The following PHGDH variants were observed in gnomAD, a reference collection of about 807,000 sequenced individuals.
PHGDH encodes D-3-phosphoglycerate dehydrogenase.
In PHGDH, 50 loss-of-function variants were observed where a neutral mutation model predicts 52.6. The observed-to-expected ratio is 0.95, with a 90% CI of 0.76 to 1.20. PHGDH has a LOEUF of 1.20. PHGDH is among the 50% of genes most tolerant of loss of function. The pLI is 0.00. For missense variants in PHGDH, 630 were observed against 684.6 expected (o/e 0.92, Z 0.89); for synonymous variants, 271 against 280.5 (o/e 0.97, Z 0.34).
chr1:119,740,349 C>T lies in PHGDH; in HGVS notation c.946-37C>T, dbSNP rs1343377151. 5 of 1,613,282 alleles carry T rather than the reference C, an allele frequency of 3.1e-6. No individual in the cohort carries two copies. In the African/African-American group the frequency reaches 6.7e-5, roughly 22 times the overall value. ...TCTTGATTCAGGATCTGCCATGCCTCTTCCTGACCACAGCCCCGCTCCTCC... is the reference window on the plus strand; with the variant it reads ...TCTTGATTCAGGATCTGCCATGCCTTTTCCTGACCACAGCCCCGCTCCTCC... On this transcript the variant is annotated intron_variant, in intron 8 of 11. Coordinates refer to ENST00000641023, the MANE Select transcript of PHGDH (RefSeq NM_006623.4).
intron 7 of PHGDH, among the ~76,000 whole-genome samples, chr1:119,736,699 G>A (rs1651951560): frequency 6.6e-6 from 1 of 152,218 alleles, no homozygotes; most frequent in Admixed American, 6.5e-5. Context: ...GCAGGGGGGT[G>A]AGTTTCGGGG....
rs759764894 is a variant in PHGDH at position 119,726,858 on chromosome 1, C to T, written c.364C>T (p.Pro122Ser). The change falls in exon 4 of 12, where the codon CCC (proline) becomes TCC (serine). Residue 122 changes from proline to serine, a missense_variant. Coordinates refer to ENST00000641023, the MANE Select transcript of PHGDH (RefSeq NM_006623.4). Reference sequence around the variant, plus strand: ...CTGTGTCTATCCTTGCAGGCAGATTCCCCAGGCGACGGCTTCGATGAAGGA... The same window carrying T: ...CTGTGTCTATCCTTGCAGGCAGATTTCCCAGGCGACGGCTTCGATGAAGGA... ...GMIMCLARQI[P>S]QATASMKDGK... 2.5e-6 allele frequency: 4 copies of T among 1,613,658 alleles called. No homozygotes were observed. Among genetic ancestry groups the T allele is most frequent in the Non-Finnish European group, 3.4e-6 (4 of 1,179,768 alleles).
At chr1:119,720,859 T>A (rs1350445322) in intron 1 of PHGDH, 20 of 399,420 alleles carry the variant, frequency 5.0e-5, no homozygotes, top group Admixed American at 2.5e-4. Context: ...GCAGGCATCA[T>A]GGTGCTGTCT....
Position 119,742,647 on chromosome 1 carries a change from A to G in PHGDH, c.1210-160A>G, listed in dbSNP as rs1415052422. On this transcript the variant is annotated intron_variant, in intron 10 of 11. Coordinates refer to ENST00000641023, the MANE Select transcript of PHGDH (RefSeq NM_006623.4). The stretch of plus-strand genomic sequence containing the variant: ...CCAGGAAGCTGATGCCGAAGGGCAC[A>G]CAGCTTGGCCCATTTGCCCTCTCCC... 1.2e-5 allele frequency: 8 copies of G among 664,872 alleles called. No homozygotes were observed. The Admixed American group carries it at 1.7e-4, about 14-fold the overall frequency. The allele number at this position is 664,872 out of a possible 1,614,324, so 41.2% of individuals were successfully genotyped here.
chr1:119,734,914 C>T, intron 6 of PHGDH, 148 bp downstream of exon 6: 2 of 883,594 alleles, frequency 2.3e-6, no homozygotes, highest in Non-Finnish European at 1.8e-6. Context: ...TTTTGTTAGA[C>T]ACCCCTACGT....
chr1:119,737,066 T>A (rs754680573), intron 7 of PHGDH, 48 bp from the exon 8 acceptor site: 6 of 1,605,632 alleles, frequency 3.7e-6, no homozygotes, highest in Middle Eastern at 1.9e-4. Context: ...CCCAAGAGGG[T>A]GTGGCCAGTC....
chr1:119,715,508 C>G (rs934986249), intron 1 of PHGDH, among the ~76,000 whole-genome samples: 2 of 152,198 alleles, frequency 1.3e-5, no homozygotes, highest in Admixed American at 6.5e-5. Flanking sequence ...AGCTGGGGAA[C>G]ATGACCTGGA....
At chr1:119,733,408 T>A (rs587716970) in intron 5 of PHGDH, among the ~76,000 whole-genome samples, 93 of 151,828 alleles carry the variant, frequency 6.1e-4, no homozygotes, top group African/African-American at 1.9e-3. Context: ...TGGCACAATC[T>A]TGGCTCACTG....
rs189468206 is a variant in PHGDH at position 119,735,172 on chromosome 1, G to A, written c.644-123G>A. 841 of 1,301,856 alleles carry A rather than the reference G, an allele frequency of 6.5e-4. 3 individuals carry two copies. In the African/African-American group the frequency reaches 0.011, roughly 17 times the overall value. The allele number at this position is 1,301,856 out of a possible 1,614,324, so 80.6% of individuals were successfully genotyped here. Reference sequence around the variant, plus strand: ...AAGAGATGAGAGCAAAGAGGCTGCCGTCCAGCAGGAGAGAGGCTCTGGGAA... The same window carrying A: ...AAGAGATGAGAGCAAAGAGGCTGCCATCCAGCAGGAGAGAGGCTCTGGGAA... On this transcript the variant is annotated intron_variant, in intron 6 of 11. Transcript: ENST00000641023.
chr1:119,735,209 A>T, intron 6 of PHGDH, 86 bp from the exon 7 acceptor site: 1 of 1,568,660 alleles, frequency 6.4e-7, no homozygotes, highest in South Asian at 1.1e-5. Context: ...GAGCTGGCTC[A>T]AGGAAAGGGA....
In PHGDH at chr1:119,721,111, G is replaced by A. The variant is rs746887143; in HGVS notation, c.139-59G>A. On this transcript the variant is annotated intron_variant, in intron 1 of 11. Transcript: ENST00000641023. The stretch of plus-strand genomic sequence containing the variant: ...CTCAGGAGTAAGCAATGATGTGCCT[G>A]CGGCTTTACGAGTTCTCACAGAATG... 2.2e-5 allele frequency: 34 copies of A among 1,530,254 alleles called. No individual in the cohort carries two copies. In the South Asian group the frequency reaches 3.7e-4, roughly 17 times the overall value. 94.8% of individuals were successfully genotyped at this position (1,530,254 alleles called of 1,614,324 possible). A position where few individuals can be genotyped will look rare whatever the true frequency, so the allele number is the denominator to read the frequency against.
In PHGDH at chr1:119,734,713, G is replaced by A; in HGVS notation, c.590G>A (p.Trp197Ter). The A allele has an allele frequency of 6.2e-7, 1 of 1,613,862 alleles. No homozygotes were observed. The highest frequency in any genetic ancestry group is 8.5e-7 in the Non-Finnish European group (1 of 1,179,880). Residue 197 changes from tryptophan (W) to a stop codon, truncating the protein, a stop_gained, in exon 6 of 12, where the codon TGG (tryptophan) becomes TAG (stop). Transcript: ENST00000641023. LOFTEE classifies it high-confidence loss of function. The stretch of plus-strand genomic sequence containing the variant: ...CAGCAGCTGCCCCTGGAGGAGATCT[G>A]GCCTCTCTGTGATTTCATCACTGTG... ...GVQQLPLEEI[W>*]PLCDFITVHT...
At chr1:119,713,018 A>G (rs587714672) in intron 1 of PHGDH, 49 of 152,330 alleles carry the variant, frequency 3.2e-4, no homozygotes, top group African/African-American at 1.2e-3. Context: ...TGTGATATAT[A>G]ATTAATCTAC....
At chr1:119,731,723 G>A (rs934123902) in intron 5 of PHGDH, among the ~76,000 whole-genome samples, 3 of 152,152 alleles carry the variant, frequency 2.0e-5, no homozygotes, top group Non-Finnish European at 4.4e-5. Context: ...GGTGAATTTC[G>A]GCTCAGCCTT....
In PHGDH at chr1:119,742,971, T is replaced by C. The variant is rs983922160; in HGVS notation, c.1374T>C (p.Pro458=). 3 of 1,614,038 alleles carry C rather than the reference T, an allele frequency of 1.9e-6. No homozygotes were observed. Among genetic ancestry groups the C allele is most frequent in the Non-Finnish European group, 2.5e-6 (3 of 1,179,988 alleles). ...LNGAVFRPEV[P]LRRDLPLLLF... Reference sequence around the variant, plus strand: ...GAGCTGTCTTCAGGCCAGAAGTGCCTCTCCGCAGGGACCTGCCCCTGCTCC... The same window carrying C: ...GAGCTGTCTTCAGGCCAGAAGTGCCCCTCCGCAGGGACCTGCCCCTGCTCC... Residue 458 remains proline (P), a synonymous_variant, in exon 11 of 12, where the codon CCT becomes CCC. Coordinates refer to ENST00000641023, the MANE Select transcript of PHGDH (RefSeq NM_006623.4).
intron 8 of PHGDH, 23 bp from the exon 9 acceptor site, chr1:119,740,363 C>T: frequency 6.2e-7 from 1 of 1,613,924 alleles, no homozygotes; most frequent in African/African-American, 1.3e-5. Flanking sequence ...CTGACCACAG[C>T]CCCGCTCCTC....
At chr1:119,726,343 T>C (rs908532259) in intron 3 of PHGDH, among the ~76,000 whole-genome samples, 1 of 152,108 alleles carries the variant, frequency 6.6e-6, no homozygotes, top group African/African-American at 2.4e-5. Flanking sequence ...GGGTCCAGAC[T>C]AGTCTAAGAC....
rs1244270161 is a variant in PHGDH at position 119,737,281 on chromosome 1, C to T, written c.945+15C>T. On this transcript the variant is annotated intron_variant, in intron 8 of 11. Coordinates refer to ENST00000641023, the MANE Select transcript of PHGDH (RefSeq NM_006623.4). ...TCACGGGGGTTGTAAGTATCACCAC[C>T]TGGGGCTGGGGGCCAGGAGTCAGAG... 3 of 1,607,240 alleles carry T rather than the reference C, an allele frequency of 1.9e-6. No homozygotes were observed. Among genetic ancestry groups the T allele is most frequent in the Admixed American group, 3.3e-5 (2 of 59,936 alleles).
chr1:119,736,087 T>C (rs1651923778), intron 7 of PHGDH, among the ~76,000 whole-genome samples: 1 of 152,204 alleles, frequency 6.6e-6, no homozygotes, highest in Non-Finnish European at 1.5e-5. Context: ...GGAAAGGACA[T>C]GGACTTTGGA....
Sources: gnomAD v4.1 joint callset for allele counts (sites outside exome capture counted in the v4.1 genomes callset) on GRCh38, gnomAD v4.1.1 for gene constraint, MANE v1.5 for transcripts, NCBI Gene and HGNC (gene_info 2026-07-23, HGNC 2026-07-21) for gene names.